Variants in TGDS observed in about 807,000 individuals in gnomAD.
TGDS encodes TDP-glucose 4,6-dehydratase, also known as UDP-D-glucose 4,6-dehydratase.
Under a neutral mutation model 52.3 loss-of-function variants are expected in TGDS, and 47 were observed. That is an observed-to-expected ratio of 0.90 (90% CI 0.71 to 1.15). TGDS has a LOEUF of 1.15. Ranked by LOEUF, TGDS falls within the 50% of genes most tolerant of loss-of-function variation. The pLI, the probability that TGDS is intolerant of heterozygous loss-of-function variation, is 0.00. For synonymous variants in TGDS, 115 were observed against 136.9 expected (o/e 0.84, Z 1.12); for missense variants, 375 against 418.4 (o/e 0.90, Z 0.90).
At chr13:94,595,311 T>C (rs1889335584) in intron 1 of TGDS, among the ~76,000 whole-genome samples, 1 of 152,230 alleles carries the variant, frequency 6.6e-6, no homozygotes, top group Non-Finnish European at 1.5e-5. Context: ...GTTTTCTAGA[T>C]ATGGTAGAGT....
At chr13:94,578,211 G>A (rs773635062) in intron 8 of TGDS, 41 bp from the exon 9 acceptor site, 331 of 1,595,514 alleles carry the variant, frequency 2.1e-4, no homozygotes, top group Middle Eastern at 1.7e-4. Context: ...AGTGTAAAAA[G>A]GTAAACTCTC....
chr13:94,588,813 C>T (rs973682019), intron 4 of TGDS, among the ~76,000 whole-genome samples: 5 of 151,976 alleles, frequency 3.3e-5, no homozygotes, highest in Admixed American at 3.3e-4. Flanking sequence ...CAATATAGTG[C>T]GTAATCAGAC....
At chr13:94,579,853 CA>C in intron 7 of TGDS, 40 bp downstream of exon 7, 1 of 1,143,686 alleles carries the variant, frequency 8.7e-7, no homozygotes, top group Non-Finnish European at 1.3e-6. Flanking sequence ...TGAGAAGTTA[CA>C]ATCACTGAAA....
intron 4 of TGDS, 118 bp from the exon 5 acceptor site, chr13:94,583,354 A>C (rs566608636): frequency 9.9e-7 from 1 of 1,014,146 alleles, no homozygotes; most frequent in African/African-American, 1.6e-5. Flanking sequence ...CCACAGCTGC[A>C]AGAGTTATAA....
chr13:94,592,373 C>T, intron 2 of TGDS, 64 bp from the exon 3 acceptor site: 2 of 1,295,174 alleles, frequency 1.5e-6, no homozygotes, highest in Non-Finnish European at 2.1e-6. Context: ...CAATCAAATA[C>T]CAATTTATTT....
intron 11 of TGDS, 39 bp downstream of exon 11, chr13:94,576,275 T>C (rs1888594248): frequency 2.1e-6 from 3 of 1,411,440 alleles, no homozygotes; most frequent in South Asian, 1.3e-5. Context: ...CCTTTAAATT[T>C]TTCTGACTTG....
At chr13:94,587,347 A>T (rs143700539) in intron 4 of TGDS, among the ~76,000 whole-genome samples, 2 of 152,238 alleles carry the variant, frequency 1.3e-5, no homozygotes, top group Admixed American at 1.3e-4. Flanking sequence ...TTTTTTTGGA[A>T]CAACAATGTC....
chr13:94,576,688 A>C (rs1888614095), intron 10 of TGDS, among the ~76,000 whole-genome samples: 1 of 152,206 alleles, frequency 6.6e-6, no homozygotes, highest in African/African-American at 2.4e-5. Context: ...CAAAAAACTC[A>C]ACAAATGTTC....
chr13:94,576,524 A>T, intron 10 of TGDS, 113 bp from the exon 11 acceptor site: 2 of 596,610 alleles, frequency 3.4e-6, no homozygotes, highest in Non-Finnish European at 5.1e-6. Context: ...TCTCTTTACA[A>T]AAATTCCCAA....
intron 4 of TGDS, among the ~76,000 whole-genome samples, chr13:94,584,090 C>A (rs900865343): frequency 2.6e-5 from 4 of 152,164 alleles, no homozygotes; most frequent in African/African-American, 9.7e-5. Flanking sequence ...TGTACACTGA[C>A]AATGATGATG....
chr13:94,596,241 A>C, upstream of TGDS: 3 of 1,286,842 alleles, frequency 2.3e-6, no homozygotes, highest in East Asian at 5.1e-5. Context: ...GGACACGTTA[A>C]CAGAGCAGCC....
rs1419030215 is a variant in TGDS at position 94,583,291 on chromosome 13, G to A, written c.314-55C>T. 5 of 1,566,852 alleles carry A rather than the reference G, an allele frequency of 3.2e-6. No individual in the cohort carries two copies. The African/African-American group carries it at 4.1e-5, about 13-fold the overall frequency. On this transcript the variant is annotated intron_variant, in intron 4 of 11. Coordinates refer to ENST00000261296, the MANE Select transcript of TGDS (RefSeq NM_014305.4). ...AGTCTACCCAACGGATAAAACAAAT[G>A]CCAAATGATGGACTCAGGTTTAAGG... is the stretch of plus-strand genomic sequence containing the variant.
In TGDS at chr13:94,583,089, C is replaced by T; in HGVS notation, c.456+5G>A. 3 of 1,611,722 alleles carry T rather than the reference C, an allele frequency of 1.9e-6. No individual in the cohort carries two copies. The highest frequency in any genetic ancestry group is 2.5e-6 in the Non-Finnish European group (3 of 1,179,430). ...GTAGGTAAAATATACATTTTCTAAG[C>T]TCACCTTATCAAGACTGCCACCATA... On this transcript the variant is annotated splice_donor_5th_base_variant and intron_variant, in intron 5 of 11. Transcript: ENST00000261296.
chr13:94,583,313 A>C, intron 4 of TGDS, 77 bp from the exon 5 acceptor site: 2 of 1,481,632 alleles, frequency 1.3e-6, no homozygotes, highest in South Asian at 2.6e-5. Context: ...ACTCAGGTTT[A>C]AGGAGAGTAC....
At chr13:94,593,769 A>G in intron 2 of TGDS, 72 bp downstream of exon 2, 1 of 1,112,126 alleles carries the variant, frequency 9.0e-7, no homozygotes. Flanking sequence ...GCATGACAAG[A>G]TTCTAGTACT....
chr13:94,592,408 A>G, intron 2 of TGDS, 99 bp from the exon 3 acceptor site: 5 of 894,526 alleles, frequency 5.6e-6, no homozygotes, highest in African/African-American at 1.7e-5. Context: ...GTTACTGGTT[A>G]CAATACAAGA....
At chr13:94,575,883 AAAAGCCTCAAGACAC>A (rs1366577033) in intron 11 of TGDS, among the ~76,000 whole-genome samples, 3 of 152,112 alleles carry the variant, frequency 2.0e-5, no homozygotes, top group African/African-American at 7.2e-5. Context: ...TTTCAATATA[AAAAGCCTCAAGACAC>A]AAAAAAGACT....
At chr13:94,588,111 GA>G (rs1474968274) in intron 4 of TGDS, among the ~76,000 whole-genome samples, 1 of 150,010 alleles carries the variant, frequency 6.7e-6, no homozygotes, top group East Asian at 2.0e-4. Context: ...AGACACCATT[GA>G]AAACGGGAAA....
intron 4 of TGDS, among the ~76,000 whole-genome samples, chr13:94,584,940 G>A (rs1888926516): frequency 6.6e-6 from 1 of 152,056 alleles, no homozygotes; most frequent in South Asian, 2.1e-4. Context: ...AGAAAAATGA[G>A]GATGCTTGGA....
Sources: allele counts gnomAD v4.1 joint callset (sites outside exome capture counted in the v4.1 genomes callset), GRCh38; gene constraint gnomAD v4.1.1; transcripts MANE v1.5; gene names NCBI Gene and HGNC (gene_info 2026-07-23, HGNC 2026-07-21).